The following CCSER1 variants were observed in gnomAD, a reference collection of about 807,000 sequenced individuals.
CCSER1 encodes the protein serine-rich coiled-coil domain-containing protein 1.
A neutral mutation model predicts 82.0 loss-of-function variants in CCSER1; 41 were observed. The observed-to-expected ratio is 0.50, with a 90% CI of 0.39 to 0.65. The LOEUF is 0.65. Among genes scored for constraint, CCSER1 ranks in the 30% least tolerant of loss-of-function variants. The pLI is 0.00. For missense variants in CCSER1, 1,119 were observed against 1,064.2 expected, an observed-to-expected ratio of 1.05 and a Z score of -0.72; for synonymous variants, 414 against 383.9, an observed-to-expected ratio of 1.08 and a Z score of -0.92.
rs147230967 is a variant in CCSER1 at position 90,618,566 on chromosome 4, C to T, written c.1725-9459C>T. ...ATTTTATGTGATAATGAAATAGGCT[C>T]GATTTTATTTTAGTAGTTTGGTCCT... On this transcript the variant is annotated intron_variant, in intron 5 of 10. Coordinates refer to ENST00000509176, the MANE Select transcript of CCSER1 (RefSeq NM_001145065.2). Among the ~76,000 whole-genome samples, 48 of 151,652 alleles carry T rather than the reference C, an allele frequency of 3.2e-4. No individual in the cohort carries two copies. In the East Asian group the frequency reaches 8.9e-3, roughly 28 times the overall value.
chr4:91,260,984 C>T (rs963717972), intron 10 of CCSER1, among the ~76,000 whole-genome samples: 3 of 152,032 alleles, frequency 2.0e-5, no homozygotes, highest in Non-Finnish European at 2.9e-5. Context: ...ATGATGGTCT[C>T]GATCTCCTGA....
chr4:90,507,314 A>T (rs1233896665), intron 5 of CCSER1, among the ~76,000 whole-genome samples: 1 of 152,092 alleles, frequency 6.6e-6, no homozygotes, highest in Admixed American at 6.6e-5. Flanking sequence ...ATGCAAAAAA[A>T]AAAACAATAA....
chr4:90,970,126 A>G (rs1024636724), intron 9 of CCSER1, among the ~76,000 whole-genome samples: 13 of 151,778 alleles, frequency 8.6e-5, no homozygotes, highest in African/African-American at 3.1e-4. Flanking sequence ...GAAAATATAA[A>G]TGGATTAAGC....
At chr4:90,238,388 T>A (rs1329245142) in intron 1 of CCSER1, among the ~76,000 whole-genome samples, 2 of 152,186 alleles carry the variant, frequency 1.3e-5, no homozygotes, top group African/African-American at 2.4e-5. Flanking sequence ...GAAGTAAAGC[T>A]TGTGAGGTAT....
At chr4:90,486,081 G>A (rs1767006742) in intron 5 of CCSER1, among the ~76,000 whole-genome samples, 1 of 152,050 alleles carries the variant, frequency 6.6e-6, no homozygotes, top group African/African-American at 2.4e-5. Context: ...CAAATCAGAG[G>A]TCCTTTATTG....
At chr4:90,809,311 TACAC>T (rs56677479) in intron 7 of CCSER1, among the ~76,000 whole-genome samples, 40,980 of 148,174 alleles carry the variant, frequency 0.28, 5,931 homozygotes, top group Middle Eastern at 0.33. Flanking sequence ...AGCAAGATCA[TACAC>T]ACACACACAC....
chr4:90,333,947 A>C (rs1739879992), intron 3 of CCSER1, among the ~76,000 whole-genome samples: 1 of 151,614 alleles, frequency 6.6e-6, no homozygotes, highest in Non-Finnish European at 1.5e-5. Context: ...TCACTGAGTC[A>C]GAGCTCTTAC....
At chr4:90,664,279 A>G (rs1042990572) in intron 6 of CCSER1, among the ~76,000 whole-genome samples, 1 of 152,210 alleles carries the variant, frequency 6.6e-6, no homozygotes, top group African/African-American at 2.4e-5. Context: ...ATGGCAAGCA[A>G]TTCAAAATGG....
At chr4:90,643,912 A>G (rs1396168154) in intron 6 of CCSER1, among the ~76,000 whole-genome samples, 1 of 152,114 alleles carries the variant, frequency 6.6e-6, no homozygotes, top group East Asian at 1.9e-4. Flanking sequence ...CCCCCTTAAA[A>G]AGTTTTTTTT....
intron 10 of CCSER1, among the ~76,000 whole-genome samples, chr4:91,552,651 G>A (rs1359534929): frequency 6.6e-6 from 1 of 151,620 alleles, no homozygotes; most frequent in African/African-American, 2.4e-5. Flanking sequence ...AAGAGTGGAA[G>A]CAACAAGGCT....
At chr4:90,223,782 G>T (rs570236372) in intron 1 of CCSER1, among the ~76,000 whole-genome samples, 3 of 152,250 alleles carry the variant, frequency 2.0e-5, no homozygotes, top group Admixed American at 6.5e-5. Flanking sequence ...AATATGACAT[G>T]GGTCAAAGAA....
chr4:91,590,591 T>G (rs549860632), intron 10 of CCSER1, among the ~76,000 whole-genome samples: 1 of 152,166 alleles, frequency 6.6e-6, no homozygotes, highest in Non-Finnish European at 1.5e-5. Flanking sequence ...TGAGTCTACA[T>G]TGGCCCTTTA....
chr4:91,123,735 T>G (rs1418731707), intron 10 of CCSER1, among the ~76,000 whole-genome samples: 1 of 151,796 alleles, frequency 6.6e-6, no homozygotes, highest in Non-Finnish European at 1.5e-5. Flanking sequence ...TTGCATTAGT[T>G]GAAGGGAGTT....
intron 10 of CCSER1, among the ~76,000 whole-genome samples, chr4:91,553,635 A>G (rs1588986): frequency 6.7e-6 from 1 of 150,142 alleles, no homozygotes; most frequent in Non-Finnish European, 1.5e-5. Context: ...GTATTTCTGC[A>G]TGAATTAGCT....
intron 10 of CCSER1, among the ~76,000 whole-genome samples, chr4:91,594,390 T>TAC (rs1430132584): frequency 2.2e-5 from 3 of 139,010 alleles, no homozygotes; most frequent in Admixed American, 1.4e-4. Flanking sequence ...CACACATATA[T>TAC]ACATATATAC....
chr4:91,177,750 T>A (rs1733552913), intron 10 of CCSER1, among the ~76,000 whole-genome samples: 1 of 152,328 alleles, frequency 6.6e-6, no homozygotes. Flanking sequence ...ATTTTGTTGA[T>A]CTTTTCAAAA....
intron 10 of CCSER1, among the ~76,000 whole-genome samples, chr4:91,281,686 G>A (rs948978348): frequency 7.2e-5 from 11 of 152,208 alleles, no homozygotes; most frequent in Non-Finnish European, 1.6e-4. Flanking sequence ...TTACTTAATT[G>A]TGACTTTCCT....
intron 6 of CCSER1, among the ~76,000 whole-genome samples, chr4:90,635,362 AT>A (rs1001697824): frequency 6.6e-6 from 1 of 151,698 alleles, no homozygotes; most frequent in African/African-American, 2.4e-5. Context: ...TATGGGGTAC[AT>A]TTTTTGAGAA....
chr4:90,566,147 C>A (rs1289940041), intron 5 of CCSER1, among the ~76,000 whole-genome samples: 1 of 151,664 alleles, frequency 6.6e-6, no homozygotes, highest in Non-Finnish European at 1.5e-5. Context: ...CATCAGCCAC[C>A]ACACCAAGCC....
Sources: allele counts gnomAD v4.1 joint callset (sites outside exome capture counted in the v4.1 genomes callset), GRCh38; gene constraint gnomAD v4.1.1; transcripts MANE v1.5; gene names NCBI Gene and HGNC (gene_info 2026-07-23, HGNC 2026-07-21).